Variants in ASIC3 observed in about 807,000 individuals in gnomAD.
ASIC3 encodes acid-sensing ion channel 3.
In ASIC3, 46 loss-of-function variants were observed where a neutral mutation model predicts 58.6. The observed-to-expected ratio is 0.79, with a 90% CI of 0.62 to 1.00. The LOEUF (loss-of-function observed/expected upper bound fraction) is 1.00. Among genes scored for constraint, ASIC3 ranks in the 50% least tolerant of loss-of-function variants. The probability of loss-of-function intolerance (pLI) is 0.00; values close to 1 mark genes in which losing one functional copy is unlikely to be tolerated. For synonymous variants in ASIC3, 336 were observed against 300.2 expected (o/e 1.12, Z -1.23); for missense variants, 770 against 735.0 (o/e 1.05, Z -0.55).
Position 151,051,294 on chromosome 7 carries a change from C to T in ASIC3, c.1189C>T (p.Leu397Phe), listed in dbSNP as rs763239303. Residue 397 changes from leucine (L) to phenylalanine (F), a missense_variant, in exon 6 of 11, where the codon CTC (leucine) becomes TTC (phenylalanine). By Grantham distance (22) the Leu-to-Phe change is conservative. Transcript: ENST00000349064. ...CGCCGCGCGCTTCCTGGCCCGGAAGCTCAACCGCAGCGAGGCCTACATCGC... is the reference window on the plus strand; with the variant it reads ...CGCCGCGCGCTTCCTGGCCCGGAAGTTCAACCGCAGCGAGGCCTACATCGC... ...RAAARFLARK[L>F]NRSEAYIAEN... 4.6e-6 allele frequency: 7 copies of T among 1,522,932 alleles called. No individual in the cohort carries two copies. In the South Asian group the frequency reaches 6.1e-5, roughly 13 times the overall value. The allele number at this position is 1,522,932 out of a possible 1,614,324, so 94.3% of individuals were successfully genotyped here.
At chr7:151,049,943 A>G in intron 1 of ASIC3, 163 bp from the exon 2 acceptor site, 1 of 872,346 alleles carries the variant, frequency 1.1e-6, no homozygotes, top group Non-Finnish European at 1.8e-6. Context: ...GGCTCCCAAG[A>G]GCGTCCTGCA....
Position 151,050,900 on chromosome 7 carries a change from G to T in ASIC3, c.956G>T (p.Cys319Phe). The change falls in exon 4 of 11, where the codon TGC (cysteine) becomes TTC (phenylalanine). Residue 319 changes from cysteine (C) to phenylalanine (F), a missense_variant. Cys to Phe is a radical substitution (Grantham distance 205). Transcript: ENST00000349064. The stretch of plus-strand genomic sequence containing the variant: ...ACCCTTATGGGGTGTCGCCTGGCCT[G>T]CGAAACCCGCTACGTGGCTCGGAAG... The part of the protein sequence containing the change: ...PYTLMGCRLA[C>F]ETRYVARKCG... 1.2e-6 allele frequency: 2 copies of T among 1,613,494 alleles called. No individual in the cohort carries two copies. Among genetic ancestry groups the T allele is most frequent in the Non-Finnish European group, 1.7e-6 (2 of 1,180,000 alleles).
chr7:151,052,268 G>A lies in ASIC3; in HGVS notation c.1458+31G>A. On this transcript the variant is annotated intron_variant, in intron 9 of 10. Coordinates refer to ENST00000349064, the MANE Select transcript of ASIC3 (RefSeq NM_004769.4). The surrounding 1 kb of genome is among the most constrained non-coding windows in gnomAD (Gnocchi z 5.0). The stretch of plus-strand genomic sequence containing the variant: ...AGCCCCTCTTCTGGAGCCCTTGCCT[G>A]CTCCAAGGGTGCTAGGGCCCACCCC... 2 of 1,613,808 alleles carry A rather than the reference G, an allele frequency of 1.2e-6. No homozygotes were observed. Among genetic ancestry groups the A allele is most frequent in the South Asian group, 2.2e-5 (2 of 91,082 alleles).
At chr7:151,051,781 C>G (rs1004908179) in intron 6 of ASIC3, 29 bp from the exon 7 acceptor site, 1 of 1,608,594 alleles carries the variant, frequency 6.2e-7, no homozygotes, top group Non-Finnish European at 8.5e-7. Flanking sequence ...CGGTGGCCAG[C>G]CCACATTTGA....
rs1375162791 is a variant in ASIC3, at chr7:151,049,292, C to T, written c.407C>T (p.Pro136Leu). 1.9e-6 allele frequency: 3 copies of T among 1,612,670 alleles called. No homozygotes were observed. The highest frequency in any genetic ancestry group is 1.1e-5 in the South Asian group (1 of 91,080). ...GCCCTGGGCCGGCCCCCTGCACCGC[C>T]CGGCTTCATGCCCAGTCCCACCTTT... ...LRALGRPPAP[P>L]GFMPSPTFDM... is the part of the protein sequence containing the mutation. The change falls in exon 1 of 11, where the codon CCC becomes CTC. Residue 136 changes from proline to leucine, a missense_variant. Pro to Leu is a moderately conservative substitution (Grantham distance 98, BLOSUM62 -3). Coordinates refer to ENST00000349064, the MANE Select transcript of ASIC3 (RefSeq NM_004769.4).
At position 151,048,571 on chromosome 7, in the gene ASIC3, G is replaced by A. The variant is rs1417736003; in HGVS notation, c.-315G>A. ...GGCTCAGCACCGCCGGCTCAGCACC[G>A]CTCCGCAGCCCCTGCCTGCCACGGT... On this transcript the variant is annotated 5_prime_UTR_variant, in exon 1 of 11. Transcript: ENST00000349064. 2.4e-5 allele frequency: 9 copies of A among 367,512 alleles called. No individual in the cohort carries two copies. The highest frequency in any genetic ancestry group is 4.3e-5 in the Admixed American group (1 of 23,444). The allele number at this position is 367,512 out of a possible 1,614,324, so 22.8% of individuals were successfully genotyped here. A position where few individuals can be genotyped will look rare whatever the true frequency, so the allele number is the denominator to read the frequency against.
chr7:151,050,866 C>A lies in ASIC3; in HGVS notation c.922C>A (p.Pro308Thr). The A allele has an allele frequency of 6.2e-7, 1 of 1,613,338 alleles. No homozygotes were observed. The highest frequency in any genetic ancestry group is 2.2e-5 in the East Asian group (1 of 44,832). ...PLGSPSPSPSPPYTLMGCRLA... is the reference protein window; with the variant it reads ...PLGSPSPSPSTPYTLMGCRLA... ...AGGCTCCCCCAGCCCCAGCCCCAGCCCTCCCTATACCCTTATGGGGTGTCG... is the reference window on the plus strand; with the variant it reads ...AGGCTCCCCCAGCCCCAGCCCCAGCACTCCCTATACCCTTATGGGGTGTCG... Residue 308 changes from proline to threonine, a missense_variant, in exon 4 of 11, where the codon CCT (proline) becomes ACT (threonine). By Grantham distance (38) the Pro-to-Thr change is conservative. Coordinates refer to ENST00000349064, the MANE Select transcript of ASIC3 (RefSeq NM_004769.4).
chr7:151,050,412 AGAGGT>A, intron 2 of ASIC3, 64 bp from the exon 3 acceptor site: 1 of 1,589,990 alleles, frequency 6.3e-7, no homozygotes, highest in Non-Finnish European at 8.6e-7. Context: ...GGCTGCAGTG[AGAGGT>A]CTTGTCTGGT....
chr7:151,050,382 A>C, intron 2 of ASIC3, 99 bp from the exon 3 acceptor site: 2 of 1,568,722 alleles, frequency 1.3e-6, no homozygotes, highest in Non-Finnish European at 8.7e-7. Context: ...GGGCTGGCTC[A>C]TCCCAGTCCT....
At chr7:151,051,687 G>T (rs1796784489) in intron 6 of ASIC3, 123 bp from the exon 7 acceptor site, 1 of 1,000,240 alleles carries the variant, frequency 1.0e-6, no homozygotes, top group Non-Finnish European at 1.5e-6. Flanking sequence ...GTACAGGTGT[G>T]AGCCACCGTG....
chr7:151,052,315 G>T lies in ASIC3; in HGVS notation c.1458+78G>T. On this transcript the variant is annotated intron_variant, in intron 9 of 10. Coordinates refer to ENST00000349064, the MANE Select transcript of ASIC3 (RefSeq NM_004769.4). The surrounding 1 kb of genome is among the most constrained non-coding windows in gnomAD (Gnocchi z 5.0). ...CCCCTGAAGCCTAGACCACCATCCC[G>T]CCCCAGCTGAGGAGAAACAGGCAGG... The T allele has an allele frequency of 6.2e-7, 1 of 1,612,284 alleles. No homozygotes were observed.
In ASIC3 at chr7:151,052,053, C is replaced by A; in HGVS notation, c.1377C>A (p.Tyr459Ter). Residue 459 changes from tyrosine (Y) to a stop codon, truncating the protein, a stop_gained, in exon 8 of 11, where the codon TAC becomes TAA. Transcript: ENST00000349064. LOFTEE classifies it high-confidence loss of function. The surrounding 1 kb of genome is among the most constrained non-coding windows in gnomAD (Gnocchi z 5.0). Reference protein sequence around the residue: ...SLLTILEILDYLCEVFRDKVL... With the variant: ...SLLTILEILD ...TCACCATCCTCGAGATCCTAGACTA[C>A]CTCTGTGAGGTGGGCCAGGGCCCCC... 1 of 1,613,838 alleles carries A rather than the reference C, an allele frequency of 6.2e-7. No individual in the cohort carries two copies. Among genetic ancestry groups the A allele is most frequent in the Non-Finnish European group, 8.5e-7 (1 of 1,179,914 alleles).
At chr7:151,049,529 TCTTC>T (rs1046321872) in intron 1 of ASIC3, 110 bp downstream of exon 1, 279 of 1,332,460 alleles carry the variant, frequency 2.1e-4, no homozygotes, top group Middle Eastern at 1.2e-3. Context: ...CCAGGGGACC[TCTTC>T]CTTCCTACCA....
chr7:151,052,626 A>G lies in ASIC3; in HGVS notation c.1570A>G (p.Thr524Ala). 8.7e-6 allele frequency: 14 copies of G among 1,612,296 alleles called. No individual in the cohort carries two copies. The highest frequency in any genetic ancestry group is 1.2e-5 in the Non-Finnish European group (14 of 1,179,636). The change falls in exon 11 of 11, where the codon ACC (threonine) becomes GCC (alanine). Residue 524 changes from threonine (T) to alanine (A), a missense_variant. Physicochemically the swap from Thr to Ala is moderately conservative, Grantham distance 58. Coordinates refer to ENST00000349064, the MANE Select transcript of ASIC3 (RefSeq NM_004769.4). This position sits in a 1 kb window ranked among gnomAD's most constrained non-coding sequence, Gnocchi z 5.0. The stretch of plus-strand genomic sequence containing the variant: ...CAAGACTCTCTCCGCCTCCCACCGC[A>G]CCTGCTACCTTGTCACACAGCTCTA... ...VTKTLSASHR[T>A]CYLVTQL
Position 151,050,571 on chromosome 7 carries a change from C to G in ASIC3, c.776C>G (p.Pro259Arg). 6.2e-7 allele frequency: 1 copy of G among 1,614,032 alleles called. No individual in the cohort carries two copies. Among genetic ancestry groups the G allele is most frequent in the Non-Finnish European group, 8.5e-7 (1 of 1,179,968 alleles). The change falls in exon 3 of 11, where the codon CCG becomes CGG. Residue 259 changes from proline (P) to arginine (R), a missense_variant. Pro to Arg is a moderately radical substitution (Grantham distance 103, BLOSUM62 -2). Transcript: ENST00000349064. ...IIDQLGLGVS[P>R]GYQTFVSCQQ... ...GATCAGCTGGGCTTGGGGGTGTCCCCGGGCTACCAGACCTTTGTTTCTTGC... is the reference window on the plus strand; with the variant it reads ...GATCAGCTGGGCTTGGGGGTGTCCCGGGGCTACCAGACCTTTGTTTCTTGC...
rs533530797 is a variant in ASIC3, at chr7:151,049,522, G to A, written c.534+103G>A. ...GCCAGCACAGGCTCCCCCAAAGCCA[G>A]GGGACCTCTTCCTTCCTACCAGCCA... On this transcript the variant is annotated intron_variant, in intron 1 of 10. Transcript: ENST00000349064. 1.3e-5 allele frequency: 18 copies of A among 1,397,318 alleles called. No homozygotes were observed. In the Admixed American group the frequency reaches 4.0e-4, roughly 31 times the overall value. The allele number at this position is 1,397,318 out of a possible 1,614,324, so 86.6% of individuals were successfully genotyped here.
At chr7:151,051,609 A>C (rs1203367264) in intron 6 of ASIC3, among the ~76,000 whole-genome samples, 1 of 151,128 alleles carries the variant, frequency 6.6e-6, no homozygotes. Flanking sequence ...GACTCGCTGT[A>C]TTGCCCAGGC....
In ASIC3 at chr7:151,052,624, G is replaced by C; in HGVS notation, c.1568G>C (p.Arg523Pro). 1 of 1,611,416 alleles carries C rather than the reference G, an allele frequency of 6.2e-7. No individual in the cohort carries two copies. Among genetic ancestry groups the C allele is most frequent in the Non-Finnish European group, 8.5e-7 (1 of 1,179,050 alleles). ...ACCAAGACTCTCTCCGCCTCCCACC[G>C]CACCTGCTACCTTGTCACACAGCTC... ...AVTKTLSASH[R>P]TCYLVTQL is the part of the protein sequence containing the mutation. The change falls in exon 11 of 11, where the codon CGC (arginine) becomes CCC (proline). Residue 523 changes from arginine (R) to proline (P), a missense_variant. Transcript: ENST00000349064. This position sits in a 1 kb window ranked among gnomAD's most constrained non-coding sequence, Gnocchi z 5.0.
At position 151,051,027 on chromosome 7, in the gene ASIC3, C is replaced by T. The variant is rs760374529; in HGVS notation, c.1010-12C>T. 5.0e-6 allele frequency: 8 copies of T among 1,613,310 alleles called. No individual in the cohort carries two copies. Among genetic ancestry groups the T allele is most frequent in the Non-Finnish European group, 5.1e-6 (6 of 1,179,992 alleles). On this transcript the variant is annotated splice_polypyrimidine_tract_variant and intron_variant, in intron 4 of 10. Transcript: ENST00000349064. ...GAGGCTGCTTCTAAAGCCATCTCCC[C>T]GGTACCCGCAGGCGACGTGCCAGTG... is the stretch of plus-strand genomic sequence containing the variant.
Sources: gnomAD v4.1 joint callset for allele counts (sites outside exome capture counted in the v4.1 genomes callset) on GRCh38, gnomAD v4.1.1 for gene constraint, Gnocchi (gnomAD v3.1) non-coding constraint, MANE v1.5 for transcripts, NCBI Gene and HGNC (gene_info 2026-07-23, HGNC 2026-07-21) for gene names.